EDA: variants seen among roughly 807,000 people sequenced by gnomAD.
EDA encodes ectodysplasin-A.
Under a neutral mutation model 23.6 loss-of-function variants are expected in EDA, and 2 were observed. The observed-to-expected ratio is 0.08, with a 90% confidence interval of 0.03 to 0.27. EDA has a LOEUF of 0.27. Ranked by LOEUF, EDA falls within the 10% of genes least tolerant of loss-of-function variation. The pLI is 1.00. For missense variants in EDA, 229 were observed against 324.2 expected, an observed-to-expected ratio of 0.71 and a Z score of 2.26; for synonymous variants, 131 against 132.0, an observed-to-expected ratio of 0.99 and a Z score of 0.05.
intron 1 of EDA, among the ~76,000 whole-genome samples, chrX:69,814,754 AC>A (rs1407503905): frequency 3.5e-4 from 39 of 111,516 alleles, no homozygotes; most frequent in African/African-American, 1.1e-3. Context: ...AACCAAAGGA[AC>A]CCCCATCCCC....
At chrX:69,873,863 A>G (rs2017603224) in intron 1 of EDA, among the ~76,000 whole-genome samples, 1 of 112,059 alleles carries the variant, frequency 8.9e-6, no homozygotes, top group African/African-American at 3.2e-5. Flanking sequence ...AAAGCCAGCA[A>G]AGGACATAAC....
intron 2 of EDA, among the ~76,000 whole-genome samples, chrX:69,977,088 A>G (rs1156256683): frequency 8.9e-6 from 1 of 111,862 alleles, no homozygotes; most frequent in African/African-American, 3.2e-5. Flanking sequence ...TTTAAATCAT[A>G]TTCTATATTA....
intron 1 of EDA, among the ~76,000 whole-genome samples, chrX:69,922,018 T>C (rs1260664469): frequency 8.9e-6 from 1 of 111,910 alleles, no homozygotes; most frequent in Non-Finnish European, 1.9e-5. Flanking sequence ...TCTACAGTTT[T>C]GCCTTTTCCA....
intron 1 of EDA, among the ~76,000 whole-genome samples, chrX:69,833,535 T>C (rs762685025): frequency 9.0e-6 from 1 of 110,652 alleles, no homozygotes; most frequent in African/African-American, 3.3e-5. Context: ...CAGGCTTTGA[T>C]ATCAGGATGA....
At chrX:69,686,286 C>T (rs191246059) in intron 1 of EDA, among the ~76,000 whole-genome samples, 121 of 112,291 alleles carry the variant, frequency 1.1e-3, no homozygotes, top group African/African-American at 3.6e-3. Context: ...CATGAGCCAC[C>T]GCGCCCAGCC....
At chrX:69,827,174 T>A (rs1484011005) in intron 1 of EDA, among the ~76,000 whole-genome samples, 2 of 111,747 alleles carry the variant, frequency 1.8e-5, no homozygotes, top group Non-Finnish European at 3.8e-5. Context: ...GACAATTATG[T>A]GTCTTGCAGT....
chrX:69,801,081 T>G (rs763426771), intron 1 of EDA, among the ~76,000 whole-genome samples: 2 of 112,297 alleles, frequency 1.8e-5, no homozygotes, highest in South Asian at 7.3e-4. Context: ...AGTACATACT[T>G]CAAAACATTT....
chrX:70,018,272 T>C lies in EDA; in HGVS notation c.503-4946T>C, dbSNP rs192598758. Among the ~76,000 whole-genome samples, 19 of 112,172 alleles carry C rather than the reference T, an allele frequency of 1.7e-4. No homozygotes were observed. In the East Asian group the frequency reaches 5.3e-3, roughly 31 times the overall value. ...ATCAATATTGTCAAAATGGTCATAA[T>C]ACCCAAAGAAATTTACAGATTCAAT... On this transcript the variant is annotated intron_variant, in intron 2 of 7. Transcript: ENST00000374552.
rs772705043 is a variant in EDA at position 69,713,984 on chromosome X, T to C, written c.396+97280T>C. The stretch of plus-strand genomic sequence containing the variant: ...TACAATAATTTATAATTTTACTTTA[T>C]ACAAAATTTATAATTTTACTTTACC... On this transcript the variant is annotated intron_variant, in intron 1 of 7. Coordinates refer to ENST00000374552, the MANE Select transcript of EDA (RefSeq NM_001399.5). 1.6e-4 allele frequency among the ~76,000 whole-genome samples: 18 copies of C among 110,801 alleles called. No individual in the cohort carries two copies. In the East Asian group the frequency reaches 4.8e-3, roughly 29 times the overall value.
intron 1 of EDA, among the ~76,000 whole-genome samples, chrX:69,811,524 C>A (rs1008860192): frequency 9.0e-6 from 1 of 111,603 alleles, no homozygotes; most frequent in Non-Finnish European, 1.9e-5. Flanking sequence ...CAAAGTGTAC[C>A]CTGGCCAGTT....
At position 69,753,940 on chromosome X, in the gene EDA, C is replaced by A. The variant is rs1487323882; in HGVS notation, c.396+137236C>A. ...ATTTGCTTGGTATATCTTCCTCCAT[C>A]CCTTTATTTTGAGCCTATGTGTGTT... On this transcript the variant is annotated intron_variant, in intron 1 of 7. Transcript: ENST00000374552. 7.3e-5 allele frequency among the ~76,000 whole-genome samples: 8 copies of A among 109,023 alleles called. No individual in the cohort carries two copies. In the Admixed American group the frequency reaches 7.8e-4, roughly 11 times the overall value. The allele number at this position is 109,023 out of a possible 115,157, so 94.7% of individuals were successfully genotyped here. A position where few individuals can be genotyped will look rare whatever the true frequency, so the allele number is the denominator to read the frequency against.
At chrX:69,662,462 G>A (rs1280261442) in intron 1 of EDA, among the ~76,000 whole-genome samples, 1 of 112,171 alleles carries the variant, frequency 8.9e-6, no homozygotes, top group Non-Finnish European at 1.9e-5. Flanking sequence ...TTCACCATCT[G>A]CCATGATTGT....
At chrX:69,859,206 A>G (rs12393367) in intron 1 of EDA, among the ~76,000 whole-genome samples, 28,930 of 109,469 alleles carry the variant, frequency 0.26, 2,866 homozygotes, top group African/African-American at 0.32. Context: ...TAATCTTTTA[A>G]ATGGTTTTCC....
chrX:69,795,694 C>G (rs2015524492), intron 1 of EDA, among the ~76,000 whole-genome samples: 1 of 112,848 alleles, frequency 8.9e-6, no homozygotes, highest in African/African-American at 3.2e-5. Context: ...CACATGCATT[C>G]CCCACACACT....
intron 1 of EDA, among the ~76,000 whole-genome samples, chrX:69,879,786 C>T (rs2017715470): frequency 8.9e-6 from 1 of 111,883 alleles, no homozygotes; most frequent in African/African-American, 3.3e-5. Flanking sequence ...TCCTCTTCCT[C>T]TGTGCCTGTG....
chrX:69,682,652 G>T (rs893525963), intron 1 of EDA, among the ~76,000 whole-genome samples: 1 of 112,013 alleles, frequency 8.9e-6, no homozygotes, highest in Non-Finnish European at 1.9e-5. Flanking sequence ...GGCTTCCCGA[G>T]TGAGGCAATG....
At chrX:69,800,595 A>G (rs977091576) in intron 1 of EDA, among the ~76,000 whole-genome samples, 1 of 111,591 alleles carries the variant, frequency 9.0e-6, no homozygotes, top group Non-Finnish European at 1.9e-5. Flanking sequence ...GAGGGGCTGG[A>G]GACTGATGAA....
At chrX:69,956,963 T>C in intron 1 of EDA, 64 bp from the exon 2 acceptor site, 1 of 1,063,111 alleles carries the variant, frequency 9.4e-7, no homozygotes, top group East Asian at 3.0e-5. Flanking sequence ...GGAAAGCTGG[T>C]TTTTTATGTT....
intron 1 of EDA, among the ~76,000 whole-genome samples, chrX:69,784,126 T>G (rs1177056453): frequency 1.1e-5 from 1 of 93,320 alleles, no homozygotes; most frequent in African/African-American, 3.7e-5. Flanking sequence ...TCACCCACTT[T>G]TTGATGGGGT....
Sources: gnomAD v4.1 joint callset for allele counts (sites outside exome capture counted in the v4.1 genomes callset) on GRCh38, gnomAD v4.1.1 for gene constraint, MANE v1.5 for transcripts, NCBI Gene and HGNC (gene_info 2026-07-23, HGNC 2026-07-21) for gene names.